Variants in WDFY3 observed in about 807,000 individuals in gnomAD.
The protein encoded by WDFY3 is WD repeat and FYVE domain containing 3.
Under a neutral mutation model 409.6 loss-of-function variants are expected in WDFY3, and 66 were observed. The ratio of observed to expected loss-of-function variants is 0.16; its 90% CI spans 0.13 to 0.20. WDFY3 has a LOEUF of 0.20. Ranked by LOEUF, WDFY3 falls within the 10% of genes least tolerant of loss-of-function variation. The probability of loss-of-function intolerance (pLI) is 1.00; values close to 1 mark genes in which losing one functional copy is unlikely to be tolerated. For missense variants in WDFY3, 3,031 were observed against 4,298.1 expected (o/e 0.71, Z 8.24); for synonymous variants, 1,521 against 1,537.1 (o/e 0.99, Z 0.25).
intron 49 of WDFY3, among the ~76,000 whole-genome samples, chr4:84,715,740 A>C (rs1178646687): frequency 6.9e-6 from 1 of 144,158 alleles, no homozygotes; most frequent in Non-Finnish European, 1.5e-5. Flanking sequence ...GCGCCACTGC[A>C]CTCCAGCCTG....
At position 84,909,327 on chromosome 4, in the gene WDFY3, T is replaced by C. The variant is rs1191750873; in HGVS notation, c.-131-12317A>G. On this transcript the variant is annotated intron_variant, in intron 2 of 67. Transcript: ENST00000295888. The stretch of plus-strand genomic sequence containing the variant: ...TTTAATTTATAACCCAGTGTTCTTG[T>C]TACAAAATATTTATACTTCATAATT... Among the ~76,000 whole-genome samples, 5 of 152,116 alleles carry C rather than the reference T, an allele frequency of 3.3e-5. No homozygotes were observed. The East Asian group carries it at 9.6e-4, about 29-fold the overall frequency.
intron 5 of WDFY3, chr4:84,844,444 G>T (rs903815984): frequency 4.3e-5 from 55 of 1,288,674 alleles, no homozygotes; most frequent in Non-Finnish European, 5.4e-5. Flanking sequence ...CACATCTTGG[G>T]AATGAAATTA....
intron 55 of WDFY3, 38 bp from the exon 56 acceptor site, chr4:84,702,544 G>A (rs751941351): frequency 1.7e-5 from 25 of 1,496,816 alleles, no homozygotes; most frequent in African/African-American, 7.1e-5. Flanking sequence ...TTAGAGAACC[G>A]TTCCCACCTG....
At chr4:84,856,897 T>G (rs1160755328) in intron 4 of WDFY3, among the ~76,000 whole-genome samples, 2 of 152,154 alleles carry the variant, frequency 1.3e-5, no homozygotes, top group Non-Finnish European at 2.9e-5. Context: ...TTGTCACTAG[T>G]GGACAATGTT....
At chr4:84,945,034 G>T (rs1772635173) in intron 1 of WDFY3, among the ~76,000 whole-genome samples, 1 of 152,058 alleles carries the variant, frequency 6.6e-6, no homozygotes, top group Non-Finnish European at 1.5e-5. Flanking sequence ...TCACAACAGG[G>T]TCACAGCCTA....
At chr4:84,880,034 G>C (rs897130840) in intron 3 of WDFY3, among the ~76,000 whole-genome samples, 1 of 152,166 alleles carries the variant, frequency 6.6e-6, no homozygotes, top group Non-Finnish European at 1.5e-5. Context: ...CTTTGCAAAT[G>C]TGATTAAGTA....
chr4:84,817,499 G>A lies in WDFY3; in HGVS notation c.1780C>T (p.Gln594Ter). Residue 594 changes from glutamine (Q) to a stop codon, truncating the protein, a stop_gained, in exon 13 of 68, where the codon CAA (glutamine) becomes TAA (stop). Coordinates refer to ENST00000295888, the MANE Select transcript of WDFY3 (RefSeq NM_014991.6). LOFTEE classifies it high-confidence loss of function. ...CCATTTGGGGAGAGCACCAGCTGTT[G>A]GATAGTCATCAAGGCATGCTGCCGG... ...QCRQHALMTIQQLVLSPNGDD... is the reference protein window; with the variant it reads ...QCRQHALMTI 6.2e-7 allele frequency: 1 copy of A among 1,613,832 alleles called. No individual in the cohort carries two copies. Among genetic ancestry groups the A allele is most frequent in the Admixed American group, 1.7e-5 (1 of 59,974 alleles).
intron 33 of WDFY3, among the ~76,000 whole-genome samples, chr4:84,755,635 G>A (rs993684908): frequency 1.2e-4 from 18 of 152,096 alleles, no homozygotes; most frequent in Non-Finnish European, 2.6e-4. Flanking sequence ...AGGTACCTAT[G>A]TTAAAAACAT....
intron 3 of WDFY3, 143 bp from the exon 4 acceptor site, chr4:84,860,765 C>T: frequency 1.3e-6 from 1 of 784,138 alleles, no homozygotes; most frequent in Non-Finnish European, 1.7e-6. Flanking sequence ...ACAGAAAAGA[C>T]AGAGAAGCAA....
intron 47 of WDFY3, among the ~76,000 whole-genome samples, chr4:84,719,649 T>G (rs1452979777): frequency 6.6e-6 from 1 of 152,210 alleles, no homozygotes; most frequent in African/African-American, 2.4e-5. Flanking sequence ...GTATATTTTA[T>G]GCATATACAT....
intron 45 of WDFY3, 53 bp downstream of exon 45, chr4:84,726,807 CA>C (rs956640890): frequency 6.5e-7 from 1 of 1,532,306 alleles, no homozygotes; most frequent in African/African-American, 1.4e-5. Flanking sequence ...AACCAGAAAA[CA>C]AAAAACAAAA....
intron 21 of WDFY3, among the ~76,000 whole-genome samples, chr4:84,790,347 T>G (rs1026319487): frequency 2.0e-5 from 3 of 151,732 alleles, no homozygotes; most frequent in African/African-American, 7.3e-5. Flanking sequence ...AGACTCCATC[T>G]CAAAAAAAAT....
rs1479738122 is a variant in WDFY3, at chr4:84,692,947, G to A, written c.8987C>T (p.Thr2996Ile). ...ATGATGAAAAAAGATCTTGTCACTTGTAGATCCTGGTAGGACAGAGATTCC... is the reference window on the plus strand; with the variant it reads ...ATGATGAAAAAAGATCTTGTCACTTATAGATCCTGGTAGGACAGAGATTCC... ...NAGISVLPGS[T>I]SDKIFFHHLD... Residue 2996 changes from threonine (T) to isoleucine (I), a missense_variant, in exon 59 of 68, where the codon ACA becomes ATA. Coordinates refer to ENST00000295888, the MANE Select transcript of WDFY3 (RefSeq NM_014991.6). 1.2e-6 allele frequency: 2 copies of A among 1,613,714 alleles called. No individual in the cohort carries two copies. Among genetic ancestry groups the A allele is most frequent in the East Asian group, 2.2e-5 (1 of 44,850 alleles).
chr4:84,785,083 T>C (rs1194312574), intron 24 of WDFY3, among the ~76,000 whole-genome samples: 1 of 151,942 alleles, frequency 6.6e-6, no homozygotes, highest in Non-Finnish European at 1.5e-5. Context: ...GAAGTCATAG[T>C]GATAAAATGT....
intron 5 of WDFY3, among the ~76,000 whole-genome samples, chr4:84,845,297 G>C (rs915931115): frequency 1.3e-4 from 20 of 152,140 alleles, no homozygotes; most frequent in African/African-American, 4.6e-4. Flanking sequence ...GTGTGTGAAT[G>C]TAAATTAAGA....
intron 4 of WDFY3, among the ~76,000 whole-genome samples, chr4:84,858,842 A>G (rs2150184959): frequency 6.6e-6 from 1 of 151,658 alleles, no homozygotes; most frequent in East Asian, 2.0e-4. Context: ...ATCTGGAAAA[A>G]GGGGAGAAGA....
chr4:84,709,526 A>G (rs971959113), intron 51 of WDFY3, among the ~76,000 whole-genome samples, 179 bp from the exon 52 acceptor site: 4 of 152,262 alleles, frequency 2.6e-5, no homozygotes, highest in African/African-American at 9.6e-5. Flanking sequence ...ATGAAGTAAC[A>G]TAGAACTGAA....
At chr4:84,857,362 G>C (rs752478274) in intron 4 of WDFY3, among the ~76,000 whole-genome samples, 11 of 152,048 alleles carry the variant, frequency 7.2e-5, no homozygotes, top group Non-Finnish European at 1.3e-4. Context: ...AAGCCTAACT[G>C]ATAAAATACA....
intron 7 of WDFY3, among the ~76,000 whole-genome samples, chr4:84,833,440 C>T (rs1478906248): frequency 1.3e-5 from 2 of 151,964 alleles, no homozygotes; most frequent in East Asian, 3.9e-4. Flanking sequence ...CTTTGGGAGG[C>T]CCAAGGTAGG....
Sources: allele counts gnomAD v4.1 joint callset (sites outside exome capture counted in the v4.1 genomes callset), GRCh38; gene constraint gnomAD v4.1.1; transcripts MANE v1.5; gene names NCBI Gene and HGNC (gene_info 2026-07-23, HGNC 2026-07-21).